AGXT2: variants seen among roughly 807,000 people sequenced by gnomAD.
AGXT2 encodes alanine--glyoxylate aminotransferase 2, mitochondrial.
AGXT2 carries 61 observed loss-of-function variants against 62.5 expected under a neutral mutation model. The observed-to-expected ratio is 0.98, with a 90% CI of 0.79 to 1.21. The LOEUF (loss-of-function observed/expected upper bound fraction) is 1.21, where lower values mean the gene tolerates loss of function less well. Among genes scored for constraint, AGXT2 ranks in the 50% most tolerant of loss-of-function variants. AGXT2 has a pLI of 0.00. For missense variants in AGXT2, 666 were observed against 641.5 expected (o/e 1.04, Z -0.41); for synonymous variants, 243 against 218.7 (o/e 1.11, Z -0.98).
chr5:35,033,286 A>C (rs1767638721), intron 6 of AGXT2, 174 bp downstream of exon 6: 4 of 636,726 alleles, frequency 6.3e-6, no homozygotes, highest in Non-Finnish European at 1.1e-5. Context: ...TCAGACTCGG[A>C]AGGCCTTTCT....
Position 35,047,752 on chromosome 5 carries a change from C to T in AGXT2, c.88+53G>A, listed in dbSNP as rs1768304243. 3.1e-6 allele frequency: 5 copies of T among 1,602,786 alleles called. No homozygotes were observed. The South Asian group carries it at 3.4e-5, about 11-fold the overall frequency. The stretch of plus-strand genomic sequence containing the variant: ...AGGCAGCAGCCTTCGGAGCTCAAGT[C>T]TTACCCTCTCGCTGATCCTCTACTG... On this transcript the variant is annotated intron_variant, in intron 1 of 13. Transcript: ENST00000231420.
intron 5 of AGXT2, among the ~76,000 whole-genome samples, chr5:35,034,435 G>A (rs1767692641): frequency 6.6e-6 from 1 of 152,120 alleles, no homozygotes; most frequent in African/African-American, 2.4e-5. Context: ...TGAATGTGCT[G>A]TCATAAGGAT....
chr5:35,029,779 C>T (rs913161916), intron 7 of AGXT2, among the ~76,000 whole-genome samples: 1 of 152,152 alleles, frequency 6.6e-6, no homozygotes, highest in Non-Finnish European at 1.5e-5. Flanking sequence ...GAGTGAATCT[C>T]GTCATGGATT....
intron 12 of AGXT2, 49 bp from the exon 13 acceptor site, chr5:35,003,910 A>C: frequency 6.3e-7 from 1 of 1,575,940 alleles, no homozygotes; most frequent in South Asian, 1.1e-5. Context: ...GGAATGGTTA[A>C]AGGAATTATT....
intron 5 of AGXT2, among the ~76,000 whole-genome samples, chr5:35,034,894 A>G (rs907008704): frequency 6.6e-6 from 1 of 152,064 alleles, no homozygotes; most frequent in African/African-American, 2.4e-5. Context: ...GTCATTTACC[A>G]CTTGGTATAT....
At chr5:35,029,438 C>T (rs190471519) in intron 7 of AGXT2, among the ~76,000 whole-genome samples, 134 of 152,308 alleles carry the variant, frequency 8.8e-4, no homozygotes, top group African/African-American at 2.9e-3. Context: ...ACATGCTCAG[C>T]GATGAGAGAG....
At position 35,037,014 on chromosome 5, in the gene AGXT2, GC is replaced by G. The variant is rs1767799464; in HGVS notation, c.413del (p.Ser138ThrfsTer30). On this transcript the variant is annotated frameshift_variant, in exon 4 of 14. Transcript: ENST00000231420. LOFTEE classifies it high-confidence loss of function. ...QKQLGRLWHT[S>X]TVFFHPPMHE... ...GCATTGGAGGGTGGAAGAAGACGGT[GC>G]TTGTATGCCACAGGCGGCCGAGCTG... 1.9e-6 allele frequency: 3 copies of G among 1,614,218 alleles called. No homozygotes were observed. The highest frequency in any genetic ancestry group is 2.5e-6 in the Non-Finnish European group (3 of 1,180,028).
intron 7 of AGXT2, chr5:35,027,139 T>C (rs1034094884): frequency 4.7e-6 from 2 of 428,898 alleles, no homozygotes; most frequent in Non-Finnish European, 6.2e-6. Context: ...GGACTATACT[T>C]TGTTCATTTC....
rs776632097 is a variant in AGXT2, at chr5:35,040,449, A to T, written c.177+126T>A. 5.8e-6 allele frequency: 5 copies of T among 857,560 alleles called. No individual in the cohort carries two copies. In the East Asian group the frequency reaches 9.8e-5, roughly 17 times the overall value. 53.1% of individuals were successfully genotyped at this position (857,560 alleles called of 1,614,324 possible). A position where few individuals can be genotyped will look rare whatever the true frequency, so the allele number is the denominator to read the frequency against. ...GATGCTTCCAATGACTTAGAGGTAC[A>T]ATATCTGGAATGAGGTAGTTTAGTG... On this transcript the variant is annotated intron_variant, in intron 2 of 13. Transcript: ENST00000231420.
intron 1 of AGXT2, 27 bp from the exon 2 acceptor site, chr5:35,040,690 C>T (rs1767952126): frequency 6.4e-7 from 1 of 1,559,514 alleles, no homozygotes; most frequent in African/African-American, 1.4e-5. Context: ...TTAGAATCCT[C>T]AACTAAGCAT....
Position 35,010,116 on chromosome 5 carries a change from G to T in AGXT2, c.1222C>A (p.Gln408Lys), listed in dbSNP as rs1208150794. 1 of 1,614,050 alleles carries T rather than the reference G, an allele frequency of 6.2e-7. No individual in the cohort carries two copies. Among genetic ancestry groups the T allele is most frequent in the Non-Finnish European group, 8.5e-7 (1 of 1,180,030 alleles). ...IKEENLQENS[Q>K]EVGTYMLLKF... is the part of the protein sequence containing the mutation. ...AGTAACATGTAGGTCCCAACTTCTT[G>T]ACTGTTTTCCTGTAGATTTTCTTCT... is the stretch of plus-strand genomic sequence containing the variant. Residue 408 changes from glutamine (Q) to lysine (K), a missense_variant, in exon 12 of 14, where the codon CAA becomes AAA. Gln to Lys is a moderately conservative substitution (Grantham distance 53, BLOSUM62 1). Transcript: ENST00000231420.
At chr5:35,012,010 C>T (rs1020295629) in intron 11 of AGXT2, among the ~76,000 whole-genome samples, 6 of 151,144 alleles carry the variant, frequency 4.0e-5, no homozygotes, top group Non-Finnish European at 7.4e-5. Context: ...TTCACAGCAA[C>T]TAATAAGTGT....
intron 1 of AGXT2, among the ~76,000 whole-genome samples, chr5:35,044,316 C>G (rs1768102475): frequency 6.6e-6 from 1 of 152,208 alleles, no homozygotes; most frequent in Non-Finnish European, 1.5e-5. Context: ...GAGCTGCCAG[C>G]TTGGAGACTC....
At chr5:35,019,584 G>A (rs1766988070) in intron 9 of AGXT2, among the ~76,000 whole-genome samples, 1 of 152,160 alleles carries the variant, frequency 6.6e-6, no homozygotes, top group African/African-American at 2.4e-5. Flanking sequence ...AGTGTGTAGA[G>A]GGAAACTTAT....
intron 9 of AGXT2, among the ~76,000 whole-genome samples, chr5:35,016,680 C>T (rs1766860699): frequency 6.6e-6 from 1 of 152,176 alleles, no homozygotes; most frequent in Admixed American, 6.5e-5. Flanking sequence ...AAGTGGTCTT[C>T]CTTGCCCCAA....
intron 9 of AGXT2, among the ~76,000 whole-genome samples, chr5:35,018,440 T>A (rs1054766851): frequency 1.9e-4 from 29 of 152,118 alleles, no homozygotes; most frequent in African/African-American, 6.5e-4. Flanking sequence ...AAGAAAAGAA[T>A]TTTAAACCCA....
chr5:35,025,457 A>G (rs369367022), intron 9 of AGXT2, among the ~76,000 whole-genome samples: 1 of 152,340 alleles, frequency 6.6e-6, no homozygotes, highest in African/African-American at 2.4e-5. Flanking sequence ...CCCCTGAAAC[A>G]ATCCCTAGAA....
In AGXT2 at chr5:35,039,333, T is replaced by A. The variant is rs775024717; in HGVS notation, c.353A>T (p.His118Leu). The A allele has an allele frequency of 6.2e-7, 1 of 1,614,030 alleles. No homozygotes were observed. Among genetic ancestry groups the A allele is most frequent in the South Asian group, 1.1e-5 (1 of 91,076 alleles). ...FSGIVTVSVG[H>L]CHPKVNAVAQ... ...TTTTAAGGATACTCACGGGTGGCAATGGCCAACACTGACAGTAACAATCCC... is the reference window on the plus strand; with the variant it reads ...TTTTAAGGATACTCACGGGTGGCAAAGGCCAACACTGACAGTAACAATCCC... Residue 118 changes from histidine to leucine, a missense_variant, in exon 3 of 14, where the codon CAT becomes CTT. Transcript: ENST00000231420.
chr5:35,027,745 T>G (rs1561226188), intron 7 of AGXT2, among the ~76,000 whole-genome samples: 1 of 151,296 alleles, frequency 6.6e-6, no homozygotes, highest in Admixed American at 6.6e-5. Context: ...AGAGCCTATC[T>G]GAGTTTGCAG....
Sources: gnomAD v4.1 joint callset for allele counts (sites outside exome capture counted in the v4.1 genomes callset) on GRCh38, gnomAD v4.1.1 for gene constraint, MANE v1.5 for transcripts, NCBI Gene and HGNC (gene_info 2026-07-23, HGNC 2026-07-21) for gene names.